Variants in LILRB1 observed in about 807,000 individuals in gnomAD.
LILRB1 encodes leukocyte immunoglobulin-like receptor subfamily B member 1.
LILRB1 carries 59 observed loss-of-function variants against 74.6 expected under a neutral mutation model. The ratio of observed to expected loss-of-function variants is 0.79; its 90% CI spans 0.64 to 0.98. The LOEUF is 0.98. Ranked by LOEUF, LILRB1 falls within the 50% of genes least tolerant of loss-of-function variation. LILRB1 has a pLI of 0.00. For synonymous variants in LILRB1, 328 were observed against 333.9 expected (o/e 0.98, Z 0.19); for missense variants, 804 against 822.6 (o/e 0.98, Z 0.28).
chr19:54,633,613 A>C, intron 7 of LILRB1, 25 bp from the exon 8 acceptor site: 1 of 1,608,332 alleles, frequency 6.2e-7, no homozygotes, highest in Non-Finnish European at 8.5e-7. Flanking sequence ...CCAGCTCCTC[A>C]GCCTCCTCTC....
chr19:54,634,510 G>A, intron 9 of LILRB1, 131 bp from the exon 10 acceptor site: 2 of 1,524,778 alleles, frequency 1.3e-6, no homozygotes, highest in Non-Finnish European at 1.8e-6. Flanking sequence ...AGTGGGTGGG[G>A]TGGATGTTTC....
chr19:54,624,017 A>C lies in LILRB1; in HGVS notation c.-165-6500A>C, dbSNP rs542584459. ...GGTAAGAGCCACCCTCGGCACAAGCAGGTGGATATGGACCTGGTGTGTTTC... is the reference window on the plus strand; with the variant it reads ...GGTAAGAGCCACCCTCGGCACAAGCCGGTGGATATGGACCTGGTGTGTTTC... On this transcript the variant is annotated intron_variant, in intron 1 of 15. Coordinates refer to the LILRB1 transcript ENST00000396331. Among the ~76,000 whole-genome samples the C allele has an allele frequency of 3.3e-5, 5 of 152,278 alleles. No individual in the cohort carries two copies. The South Asian group carries it at 1.0e-3, about 32-fold the overall frequency.
chr19:54,623,845 A>C (rs2063513052), intron 1 of LILRB1, among the ~76,000 whole-genome samples: 2 of 152,196 alleles, frequency 1.3e-5, no homozygotes. Context: ...TTTGTTTTGC[A>C]CATTTTCCCC....
Position 54,636,782 on chromosome 19 carries a change from C to T in LILRB1, c.1863C>T (p.Ser621=). Residue 621 remains serine, a synonymous_variant, in exon 15 of 15, where the codon AGC becomes AGT. Coordinates refer to ENST00000324602, the MANE Select transcript of LILRB1 (RefSeq NM_001081637.3). The stretch of plus-strand genomic sequence containing the variant: ...ATGTGACCTACGCCCAGCTGCACAG[C>T]TTGACCCTCAGACGGGAGGCAACTG... ...PQDVTYAQLH[S]LTLRREATEP... is the part of the protein sequence containing the mutation. The T allele has an allele frequency of 1.9e-6, 3 of 1,613,080 alleles. No individual in the cohort carries two copies. Among genetic ancestry groups the T allele is most frequent in the South Asian group, 2.2e-5 (2 of 91,060 alleles).
At chr19:54,624,002 A>C (rs2063517041) in intron 1 of LILRB1, among the ~76,000 whole-genome samples, 1 of 152,120 alleles carries the variant, frequency 6.6e-6, no homozygotes, top group African/African-American at 2.4e-5. Flanking sequence ...GGTAAGAGCC[A>C]CCCTCGGCAC....
At chr19:54,630,127 C>T (rs143384340), upstream of LILRB1, among the ~76,000 whole-genome samples, 2 of 152,358 alleles carry the variant, frequency 1.3e-5, no homozygotes, top group East Asian at 1.9e-4. Context: ...TGACAACAGT[C>T]GGCAAAGGAA....
rs1453604475 is a variant in LILRB1, at chr19:54,637,901, G to A, written c.*1023G>A. Among the ~76,000 whole-genome samples the A allele has an allele frequency of 6.6e-6, 1 of 152,164 alleles. No individual in the cohort carries two copies. Among genetic ancestry groups the A allele is most frequent in the African/African-American group, 2.4e-5 (1 of 41,422 alleles). On this transcript the variant is annotated 3_prime_UTR_variant, in exon 15 of 15. Coordinates refer to ENST00000324602, the MANE Select transcript of LILRB1 (RefSeq NM_001081637.3). ...AATAGATGAAATATTCTAAACTGGA[G>A]TTTACATAATGAACATAAGAGTAAT...
intron 13 of LILRB1, 74 bp downstream of exon 13, chr19:54,635,683 C>G: frequency 2.0e-6 from 3 of 1,530,480 alleles, no homozygotes; most frequent in Non-Finnish European, 2.7e-6. Context: ...CTTCTCTGTC[C>G]TCCTTCCCCC....
intron 1 of LILRB1, among the ~76,000 whole-genome samples, chr19:54,623,664 C>T (rs2063509211): frequency 6.6e-6 from 1 of 152,102 alleles, no homozygotes; most frequent in Non-Finnish European, 1.5e-5. Context: ...CTTTATCTGT[C>T]CTTTCAGAGT....
At chr19:54,620,063 A>G (rs1157294733) in intron 1 of LILRB1, among the ~76,000 whole-genome samples, 1 of 152,004 alleles carries the variant, frequency 6.6e-6, no homozygotes. Flanking sequence ...GCAAAAAAAA[A>G]AGTAGGTTTT....
chr19:54,621,391 A>T (rs2063451827), intron 1 of LILRB1, among the ~76,000 whole-genome samples: 1 of 152,172 alleles, frequency 6.6e-6, no homozygotes, highest in Non-Finnish European at 1.5e-5. Context: ...GTTGATACTC[A>T]GTGTGGTTTT....
At chr19:54,634,231 A>T in intron 9 of LILRB1, 7 of 1,496,808 alleles carry the variant, frequency 4.7e-6, no homozygotes, top group Non-Finnish European at 5.4e-6. Context: ...CTGGGAGAGG[A>T]GGCCTCCCAG....
At chr19:54,628,876 G>T (rs1485369235), upstream of LILRB1, among the ~76,000 whole-genome samples, 2 of 152,276 alleles carry the variant, frequency 1.3e-5, 1 homozygote, top group South Asian at 4.1e-4. Flanking sequence ...GAGGTCAGAG[G>T]CCTCCCCTAA....
chr19:54,617,893 GGA>G lies in LILRB1; in HGVS notation c.-166+546_-166+547del, dbSNP rs2063351277. On this transcript the variant is annotated intron_variant, in intron 1 of 15. Coordinates refer to the LILRB1 transcript ENST00000396331. ...GAGGTAGGTGACTCATGTGAGATCA[GGA>G]GTTCAAGACCAGCCTGGCCAACATG... is the stretch of plus-strand genomic sequence containing the variant. 2.0e-5 allele frequency among the ~76,000 whole-genome samples: 3 copies of G among 152,120 alleles called. No individual in the cohort carries two copies. In the South Asian group the frequency reaches 6.2e-4, roughly 32 times the overall value.
intron 6 of LILRB1, 57 bp from the exon 7 acceptor site, chr19:54,632,959 G>T (rs771078164): frequency 1.8e-5 from 28 of 1,580,148 alleles, no homozygotes; most frequent in Admixed American, 1.1e-4. Context: ...GAGACCTGGG[G>T]AGGTGTCAGC....
upstream of LILRB1, among the ~76,000 whole-genome samples, chr19:54,616,877 G>A (rs952328517): frequency 3.3e-5 from 5 of 152,174 alleles, no homozygotes; most frequent in Admixed American, 3.3e-4. Context: ...GGGAATGTCT[G>A]GGGGTGGATG....
intron 13 of LILRB1, chr19:54,636,092 A>G (rs770332120): frequency 1.4e-5 from 8 of 555,450 alleles, no homozygotes; most frequent in Non-Finnish European, 2.8e-5. Context: ...AGGAACATAA[A>G]CCAGAGAAAG....
At chr19:54,616,917 G>T (rs2146127810), upstream of LILRB1, among the ~76,000 whole-genome samples, 1 of 152,230 alleles carries the variant, frequency 6.6e-6, no homozygotes, top group East Asian at 1.9e-4. Flanking sequence ...TGGCCTACAG[G>T]GAACACCCAA....
chr19:54,618,100 C>CAA (rs1202106742), intron 1 of LILRB1, among the ~76,000 whole-genome samples: 3,926 of 77,972 alleles, frequency 0.05, 93 homozygotes, highest in South Asian at 0.12. Context: ...GCCCCTGCCT[C>CAA]AAAAAAAAAA....
Sources: allele counts gnomAD v4.1 joint callset (sites outside exome capture counted in the v4.1 genomes callset), GRCh38; gene constraint gnomAD v4.1.1; transcripts MANE v1.5; gene names NCBI Gene and HGNC (gene_info 2026-07-23, HGNC 2026-07-21).